VARS1: variants seen among roughly 807,000 people sequenced by gnomAD.
The protein encoded by VARS1 is valyl-tRNA synthetase 1.
A neutral mutation model predicts 161.0 loss-of-function variants in VARS1; 92 were observed. The observed-to-expected ratio is 0.57, with a 90% CI of 0.48 to 0.68. The LOEUF (loss-of-function observed/expected upper bound fraction) is 0.68. Ranked by LOEUF, VARS1 falls within the 30% of genes least tolerant of loss-of-function variation. The probability of loss-of-function intolerance (pLI) is 0.00; values close to 1 mark genes in which losing one functional copy is unlikely to be tolerated. For synonymous variants in VARS1, 595 were observed against 682.5 expected (o/e 0.87, Z 2.00); for missense variants, 1,338 against 1,695.9 (o/e 0.79, Z 3.71).
chr6:31,787,254 T>G (rs1229745303), intron 8 of VARS1, among the ~76,000 whole-genome samples: 3 of 151,954 alleles, frequency 2.0e-5, no homozygotes, highest in African/African-American at 7.2e-5. Flanking sequence ...AAATAAAAAG[T>G]TGATATAACT....
chr6:31,790,128 T>A (rs1402405773), intron 8 of VARS1, among the ~76,000 whole-genome samples: 2 of 150,412 alleles, frequency 1.3e-5, no homozygotes, highest in African/African-American at 4.9e-5. Context: ...CGCAAAAAAA[T>A]TCTTAAATGT....
Position 31,790,067 on chromosome 6 carries a change from T to A in VARS1, c.1100+1543A>T, listed in dbSNP as rs569173765. ...AATAAATAAATAATAAAAATAAATT[T>A]AAAAAAATACACTAACACTAACGAT... On this transcript the variant is annotated intron_variant, in intron 8 of 29. Coordinates refer to ENST00000375663, the MANE Select transcript of VARS1 (RefSeq NM_006295.3). 3.2e-4 allele frequency among the ~76,000 whole-genome samples: 47 copies of A among 149,166 alleles called. 1 individual carries two copies. The highest frequency in any genetic ancestry group is 1.1e-3 in the African/African-American group (45 of 40,714).
At chr6:31,792,335 T>C (rs1299424193) in intron 5 of VARS1, 34 bp from the exon 6 acceptor site, 1 of 1,613,884 alleles carries the variant, frequency 6.2e-7, no homozygotes, top group Admixed American at 1.7e-5. Flanking sequence ...GGCCCAGGCA[T>C]CAGCCAACCC....
Position 31,791,923 on chromosome 6 carries a change from GC to G in VARS1, c.919del (p.Ala307LeufsTer32), listed in dbSNP as rs769715961. ...PDSYSPRYVE[A>X]AWYPWWEQQG... Reference sequence around the variant, plus strand: ...CTGCTCCCACCAAGGGTACCAGGCAGCCTCCACATACCGAGGGCTGTAGGAG... The same window carrying G: ...CTGCTCCCACCAAGGGTACCAGGCAGCTCCACATACCGAGGGCTGTAGGAG... On this transcript the variant is annotated frameshift_variant, in exon 7 of 30. Transcript: ENST00000375663. LOFTEE classifies it high-confidence loss of function. This position sits in a 1 kb window ranked among gnomAD's most constrained non-coding sequence, Gnocchi z 5.0. 7 of 1,605,972 alleles carry G rather than the reference GC, an allele frequency of 4.4e-6. No individual in the cohort carries two copies. The highest frequency in any genetic ancestry group is 5.1e-6 in the Non-Finnish European group (6 of 1,175,606).
At chr6:31,783,684 C>T (rs1225646666) in intron 13 of VARS1, among the ~76,000 whole-genome samples, 4 of 137,200 alleles carry the variant, frequency 2.9e-5, no homozygotes, top group Non-Finnish European at 4.6e-5. Context: ...TTTTTTGAGA[C>T]GGAGTCTCGC....
rs369847928 is a variant in VARS1, at chr6:31,780,531, A to G, written c.2835T>C (p.Gly945=). 20 of 1,613,704 alleles carry G rather than the reference A, an allele frequency of 1.2e-5. No individual in the cohort carries two copies. In the African/African-American group the frequency reaches 2.5e-4, roughly 20 times the overall value. The change falls in exon 25 of 30, where the codon GGT becomes GGC. Residue 945 remains glycine, a synonymous_variant. Coordinates refer to ENST00000375663, the MANE Select transcript of VARS1 (RefSeq NM_006295.3). The surrounding 1 kb of genome is among the most constrained non-coding windows in gnomAD (Gnocchi z 5.1). ...DINLDVNRIL[G]YRHFCNKLWN... ...AGAGCTTGTTGCAGAAGTGGCGGTA[A>G]CCCAGTATCCGGTTCACATCCAGGT...
chr6:31,785,011 G>A lies in VARS1; in HGVS notation c.1347+235C>T, dbSNP rs1813407898. On this transcript the variant is annotated intron_variant, in intron 10 of 29. Coordinates refer to ENST00000375663, the MANE Select transcript of VARS1 (RefSeq NM_006295.3). This position sits in a 1 kb window ranked among gnomAD's most constrained non-coding sequence, Gnocchi z 6.1. ...CCATGGGAGACGGGGTCCTGATCAT[G>A]TGCCATCTGGAGGAATCTGGAGCTC... is the stretch of plus-strand genomic sequence containing the variant. Among the ~76,000 whole-genome samples, 1 of 152,202 alleles carries A rather than the reference G, an allele frequency of 6.6e-6. No homozygotes were observed. The highest frequency in any genetic ancestry group is 2.1e-4 in the South Asian group (1 of 4,834).
Position 31,781,674 on chromosome 6 carries a change from C to A in VARS1, c.2418+17G>T. 1 of 1,612,992 alleles carries A rather than the reference C, an allele frequency of 6.2e-7. No individual in the cohort carries two copies. Among genetic ancestry groups the A allele is most frequent in the Non-Finnish European group, 8.5e-7 (1 of 1,179,980 alleles). On this transcript the variant is annotated intron_variant, in intron 20 of 29. Coordinates refer to ENST00000375663, the MANE Select transcript of VARS1 (RefSeq NM_006295.3). This position sits in a 1 kb window ranked among gnomAD's most constrained non-coding sequence, Gnocchi z 6.8. ...TCCAGTCCCCTGTCCCGCCAAGCCC[C>A]GGCCCCAGGAACACACCTGGTTGGG... is the stretch of plus-strand genomic sequence containing the variant.
chr6:31,791,962 C>G lies in VARS1; in HGVS notation c.881G>C (p.Gly294Ala), dbSNP rs5030796. 1.2e-3 allele frequency: 1,896 copies of G among 1,589,316 alleles called. 14 individuals are homozygous for G. The South Asian group carries it at 0.013, about 11-fold the overall frequency. ...AGGGCTGTAGGAGTCGGGCATGGGG[C>G]CACTGACATCTGGGGGAGAGGAAGG... ...TPPGEKKDVS[G>A]PMPDSYSPRY... The change falls in exon 7 of 30, where the codon GGC becomes GCC. Residue 294 changes from glycine (G) to alanine (A), a missense_variant. By Grantham distance (60) the Gly-to-Ala change is moderately conservative. Coordinates refer to ENST00000375663, the MANE Select transcript of VARS1 (RefSeq NM_006295.3). This position sits in a 1 kb window ranked among gnomAD's most constrained non-coding sequence, Gnocchi z 5.0.
In VARS1 at chr6:31,784,541, G is replaced by A. The variant is rs1199580845; in HGVS notation, c.1468-39C>T. The A allele has an allele frequency of 6.2e-7, 1 of 1,613,498 alleles. No homozygotes were observed. Among genetic ancestry groups the A allele is most frequent in the Non-Finnish European group, 8.5e-7 (1 of 1,180,046 alleles). On this transcript the variant is annotated intron_variant, in intron 11 of 29. Coordinates refer to ENST00000375663, the MANE Select transcript of VARS1 (RefSeq NM_006295.3). The surrounding 1 kb of genome is among the most constrained non-coding windows in gnomAD (Gnocchi z 6.1). ...ATTTAGAGGCGTGGCCCAGGGGCCA[G>A]GGCCAGGGCCAGGGTAGATTGGAGA...
chr6:31,785,498 G>T lies in VARS1; in HGVS notation c.1265+71C>A. 6.5e-7 allele frequency: 1 copy of T among 1,528,866 alleles called. No homozygotes were observed. Among genetic ancestry groups the T allele is most frequent in the Non-Finnish European group, 8.8e-7 (1 of 1,134,882 alleles). 94.7% of individuals were successfully genotyped at this position (1,528,866 alleles called of 1,614,324 possible). On this transcript the variant is annotated intron_variant, in intron 9 of 29. Transcript: ENST00000375663. This position sits in a 1 kb window ranked among gnomAD's most constrained non-coding sequence, Gnocchi z 6.1. Reference sequence around the variant, plus strand: ...TGACCCTGTGGCCAAGGGGTTACAGGTGACAGAGGTCTTCTGGATAGGGGA... The same window carrying T: ...TGACCCTGTGGCCAAGGGGTTACAGTTGACAGAGGTCTTCTGGATAGGGGA...
In VARS1 at chr6:31,792,415, G is replaced by C; in HGVS notation, c.763C>G (p.Gln255Glu). The C allele has an allele frequency of 6.2e-7, 1 of 1,614,010 alleles. No individual in the cohort carries two copies. The highest frequency in any genetic ancestry group is 1.1e-5 in the South Asian group (1 of 91,072). Reference protein sequence around the residue: ...EKFQQKQKIQQQQPPPGEKKP... With the variant: ...EKFQQKQKIQEQQPPPGEKKP... Reference sequence around the variant, plus strand: ...ACCTCCCCTGGAGGTGGCTGCTGCTGTTGGATCTTCTGCTTCTGTTGGAAT... The same window carrying C: ...ACCTCCCCTGGAGGTGGCTGCTGCTCTTGGATCTTCTGCTTCTGTTGGAAT... The change falls in exon 5 of 30, where the codon CAG (glutamine) becomes GAG (glutamate). Residue 255 changes from glutamine to glutamate, a missense_variant. Transcript: ENST00000375663.
In VARS1 at chr6:31,780,379, G is replaced by A; in HGVS notation, c.2925+62C>T. 1 of 1,574,786 alleles carries A rather than the reference G, an allele frequency of 6.4e-7. No homozygotes were observed. The highest frequency in any genetic ancestry group is 1.8e-5 in the Admixed American group (1 of 55,822). ...CTGTCCCCCCAGCTACATGGAGGCT[G>A]CTCCGGACAGGGGTACAGCCTGTGT... On this transcript the variant is annotated intron_variant, in intron 25 of 29. Transcript: ENST00000375663. The surrounding 1 kb of genome is among the most constrained non-coding windows in gnomAD (Gnocchi z 5.1).
rs1341114345 is a variant in VARS1, at chr6:31,791,841, C to T, written c.972+30G>A. 7.4e-6 allele frequency: 12 copies of T among 1,612,196 alleles called. 1 individual carries two copies. Among genetic ancestry groups the T allele is most frequent in the Non-Finnish European group, 1.0e-5 (12 of 1,179,518 alleles). ...GTCCTGCCCTTCCCCACCCCACCCACTCTGGGCCTGGGCAGCAGTGCCTAC... is the reference window on the plus strand; with the variant it reads ...GTCCTGCCCTTCCCCACCCCACCCATTCTGGGCCTGGGCAGCAGTGCCTAC... On this transcript the variant is annotated intron_variant, in intron 7 of 29. Coordinates refer to ENST00000375663, the MANE Select transcript of VARS1 (RefSeq NM_006295.3). This position sits in a 1 kb window ranked among gnomAD's most constrained non-coding sequence, Gnocchi z 5.0.
In VARS1 at chr6:31,782,360, G is replaced by C. The variant is rs1480629503; in HGVS notation, c.2075C>G (p.Ala692Gly). Residue 692 changes from alanine (A) to glycine (G), a missense_variant, in exon 17 of 30, where the codon GCT becomes GGT. This residue lies in a region of VARS1 where 902 missense variants were observed against 1,090.3 expected (regional missense o/e 0.83). Transcript: ENST00000375663. This position sits in a 1 kb window ranked among gnomAD's most constrained non-coding sequence, Gnocchi z 8.3. ...GATGCGGAGGTCACCCCGAGTCACA[G>C]CGGCGCTGGCAGCCTGGGCCATCTC... ...CGEMAQAASA[A>G]VTRGDLRILP... is the part of the protein sequence containing the mutation. 1.2e-6 allele frequency: 2 copies of C among 1,612,784 alleles called. No homozygotes were observed. Among genetic ancestry groups the C allele is most frequent in the Non-Finnish European group, 1.7e-6 (2 of 1,179,906 alleles).
At chr6:31,792,657 C>T in intron 4 of VARS1, 100 bp downstream of exon 4, 3 of 1,596,698 alleles carry the variant, frequency 1.9e-6, no homozygotes, top group Admixed American at 1.7e-5. Context: ...CCCGCAGGAC[C>T]CTGCCCCAGT....
rs1463270030 is a variant in VARS1 at position 31,781,186 on chromosome 6, G to A, written c.2545-63C>T. 94 of 1,564,390 alleles carry A rather than the reference G, an allele frequency of 6.0e-5. No homozygotes were observed. In the East Asian group the frequency reaches 9.9e-4, roughly 16 times the overall value. ...TCTCCTTCCCCGGCCTCAGTGCCCC[G>A]ACCAGGACTGTGTCTGGTCTACCCC... On this transcript the variant is annotated intron_variant, in intron 21 of 29. Coordinates refer to ENST00000375663, the MANE Select transcript of VARS1 (RefSeq NM_006295.3). The surrounding 1 kb of genome is among the most constrained non-coding windows in gnomAD (Gnocchi z 6.8).
chr6:31,781,275 G>A lies in VARS1; in HGVS notation c.2545-152C>T. The A allele has an allele frequency of 5.1e-6, 6 of 1,172,454 alleles. No individual in the cohort carries two copies. Among genetic ancestry groups the A allele is most frequent in the Non-Finnish European group, 7.2e-6 (6 of 833,178 alleles). 72.6% of individuals were successfully genotyped at this position (1,172,454 alleles called of 1,614,324 possible). On this transcript the variant is annotated intron_variant, in intron 21 of 29. Transcript: ENST00000375663. The surrounding 1 kb of genome is among the most constrained non-coding windows in gnomAD (Gnocchi z 6.8). ...TCGTTGAGCGCCTTTATGTGAATCA[G>A]AAGCACTCCTTCCTCTGGGAAGATG...
rs1813881029 is a variant in VARS1 at position 31,791,720 on chromosome 6, T to G, written c.990A>C (p.Ala330=). 2 of 1,612,974 alleles carry G rather than the reference T, an allele frequency of 1.2e-6. No individual in the cohort carries two copies. The highest frequency in any genetic ancestry group is 1.3e-5 in the African/African-American group (1 of 74,910). ...TCATGAAGACACCTCGGGGATTTGC[T>G]GCTGACACATTAGGACGCTGATGGT... ...KPEYGRPNVS[A]ANPRGVFMMC... The change falls in exon 8 of 30, where the codon GCA becomes GCC. Residue 330 remains alanine (A), a synonymous_variant. Transcript: ENST00000375663. The surrounding 1 kb of genome is among the most constrained non-coding windows in gnomAD (Gnocchi z 5.0).
Sources: gnomAD v4.1 joint callset for allele counts (sites outside exome capture counted in the v4.1 genomes callset) on GRCh38, gnomAD v4.1.1 for gene constraint, gnomAD v4.1.1 regional missense constraint, Gnocchi (gnomAD v3.1) non-coding constraint, MANE v1.5 for transcripts, NCBI Gene and HGNC (gene_info 2026-07-23, HGNC 2026-07-21) for gene names.